TBC1D19: variants seen among roughly 807,000 people sequenced by gnomAD.
TBC1D19 encodes the protein TBC1 domain family, member 19.
Under a neutral mutation model 89.0 loss-of-function variants are expected in TBC1D19, and 60 were observed. The observed-to-expected ratio is 0.67, with a 90% confidence interval of 0.55 to 0.84. The LOEUF is 0.84. Ranked by LOEUF, TBC1D19 falls within the 40% of genes least tolerant of loss-of-function variation. The pLI is 0.00. For synonymous variants in TBC1D19, 189 were observed against 199.7 expected (o/e 0.95, Z 0.45); for missense variants, 500 against 610.8 (o/e 0.82, Z 1.91).
the TBC1D19 span, among the ~76,000 whole-genome samples, chr4:26,801,656 C>T: frequency 2.5e-3 from 385 of 152,242 alleles, 2 homozygotes; most frequent in African/African-American, 8.6e-3. Flanking sequence ...AATGTTCTTC[C>T]ATTTGTTTGT....
intron 1 of TBC1D19, among the ~76,000 whole-genome samples, chr4:26,610,625 C>T (rs909937535): frequency 6.6e-6 from 1 of 151,946 alleles, no homozygotes; most frequent in Non-Finnish European, 1.5e-5. Context: ...CAAGTAGGCC[C>T]TGGTGTCTAT....
chr4:26,698,845 C>T (rs1715050247), intron 13 of TBC1D19, among the ~76,000 whole-genome samples: 1 of 152,114 alleles, frequency 6.6e-6, no homozygotes, highest in Non-Finnish European at 1.5e-5. Context: ...TTCCTTACAC[C>T]TTATACAAAA....
At chr4:26,666,969 A>G (rs576167028) in intron 9 of TBC1D19, among the ~76,000 whole-genome samples, 30 of 152,038 alleles carry the variant, frequency 2.0e-4, no homozygotes, top group Admixed American at 1.1e-3. Context: ...TTAGGAGACT[A>G]TTCTAGTCTT....
At chr4:26,854,460 G>A in the TBC1D19 span, among the ~76,000 whole-genome samples, 1 of 152,118 alleles carries the variant, frequency 6.6e-6, no homozygotes, top group Non-Finnish European at 1.5e-5. Context: ...TCATAAATTT[G>A]AACCCAGCTT....
intron 1 of TBC1D19, among the ~76,000 whole-genome samples, chr4:26,599,308 C>A (rs1466975403): frequency 6.6e-6 from 1 of 152,128 alleles, no homozygotes; most frequent in Non-Finnish European, 1.5e-5. Context: ...TGGTTTGTTA[C>A]AAGCCTTTTA....
chr4:26,794,461 T>TA, the TBC1D19 span, among the ~76,000 whole-genome samples: 3 of 151,794 alleles, frequency 2.0e-5, no homozygotes, highest in Admixed American at 2.0e-4. Flanking sequence ...AGTTTAAAAA[T>TA]AAAAAAGGAG....
At chr4:26,742,214 A>G (rs993126857) in intron 17 of TBC1D19, among the ~76,000 whole-genome samples, 5 of 152,174 alleles carry the variant, frequency 3.3e-5, no homozygotes, top group African/African-American at 1.2e-4. Flanking sequence ...CTGTAAGGTG[A>G]TATTTTCCTT....
chr4:26,658,126 T>G (rs1338267270), intron 7 of TBC1D19, among the ~76,000 whole-genome samples: 2 of 152,184 alleles, frequency 1.3e-5, no homozygotes, highest in Non-Finnish European at 2.9e-5. Flanking sequence ...TTTGTTGCCA[T>G]TGCTTTTGGT....
the TBC1D19 span, among the ~76,000 whole-genome samples, chr4:26,831,323 A>G: frequency 2.0e-5 from 3 of 152,234 alleles, no homozygotes; most frequent in African/African-American, 7.2e-5. Flanking sequence ...AGCAGCGGTC[A>G]TCAAACTTTT....
chr4:26,740,683 G>C (rs1262341218), intron 17 of TBC1D19: 2 of 984,674 alleles, frequency 2.0e-6, no homozygotes, highest in Non-Finnish European at 2.4e-6. Flanking sequence ...TTTCAGTTAT[G>C]CTTTTTTTCC....
intron 1 of TBC1D19, chr4:26,585,270 G>C (rs1033778056): frequency 2.5e-6 from 1 of 404,182 alleles, no homozygotes; most frequent in Non-Finnish European, 4.9e-6. Context: ...GCAATTCTGA[G>C]AGTTCCAATT....
intron 7 of TBC1D19, among the ~76,000 whole-genome samples, chr4:26,654,589 T>G (rs1344747407): frequency 6.6e-6 from 1 of 152,190 alleles, no homozygotes; most frequent in Non-Finnish European, 1.5e-5. Flanking sequence ...TCATTCTTTT[T>G]TCTCTAAATT....
intron 1 of TBC1D19, among the ~76,000 whole-genome samples, chr4:26,611,635 T>C (rs1021362821): frequency 2.6e-5 from 4 of 152,184 alleles, no homozygotes; most frequent in African/African-American, 4.8e-5. Flanking sequence ...TAGTAATTCA[T>C]TGGGGATTGC....
the TBC1D19 span, among the ~76,000 whole-genome samples, chr4:26,829,858 G>T: frequency 6.6e-6 from 1 of 152,212 alleles, no homozygotes; most frequent in African/African-American, 2.4e-5. Context: ...TTCCCGGAAT[G>T]ACTTTAGTAA....
intron 7 of TBC1D19, among the ~76,000 whole-genome samples, chr4:26,642,996 C>A (rs1298570780): frequency 6.6e-6 from 1 of 152,198 alleles, no homozygotes; most frequent in Non-Finnish European, 1.5e-5. Flanking sequence ...TAACACCCCA[C>A]TGTCAATATT....
At chr4:26,751,970 C>G (rs572572638) in intron 19 of TBC1D19, among the ~76,000 whole-genome samples, 1 of 152,280 alleles carries the variant, frequency 6.6e-6, no homozygotes, top group East Asian at 1.9e-4. Flanking sequence ...TCAATAGTAT[C>G]TTCACATAGT....
intron 14 of TBC1D19, 134 bp downstream of exon 14, chr4:26,718,151 T>A: frequency 1.6e-6 from 1 of 630,354 alleles, no homozygotes; most frequent in Non-Finnish European, 2.7e-6. Context: ...TGACCGTAAT[T>A]ATCCTTTCAT....
chr4:26,718,091 A>G (rs1471661191), intron 14 of TBC1D19, 74 bp downstream of exon 14: 1 of 1,218,462 alleles, frequency 8.2e-7, no homozygotes, highest in Non-Finnish European at 1.2e-6. Context: ...TTATTTTTGG[A>G]GATAGTGGTG....
At chr4:26,698,649 T>C (rs1560480616) in intron 13 of TBC1D19, among the ~76,000 whole-genome samples, 1 of 152,164 alleles carries the variant, frequency 6.6e-6, no homozygotes, top group Non-Finnish European at 1.5e-5. Context: ...AGCATGGTAC[T>C]GCTACCAAAA....
Sources: allele counts gnomAD v4.1 joint callset (sites outside exome capture counted in the v4.1 genomes callset), GRCh38; gene constraint gnomAD v4.1.1; transcripts MANE v1.5; gene names NCBI Gene and HGNC (gene_info 2026-07-23, HGNC 2026-07-21).